NCALD: variants seen among roughly 807,000 people sequenced by gnomAD.
NCALD encodes the protein neurocalcin-delta.
A neutral mutation model predicts 18.6 loss-of-function variants in NCALD; 10 were observed. The observed-to-expected ratio is 0.54, with a 90% CI of 0.33 to 0.91. The LOEUF is 0.91. NCALD is among the 40% of genes least tolerant of loss of function. The probability of loss-of-function intolerance (pLI) is 0.03; values close to 1 mark genes in which losing one functional copy is unlikely to be tolerated. For missense variants in NCALD, 184 were observed against 247.6 expected (o/e 0.74, Z 1.72); for synonymous variants, 88 against 87.4 (o/e 1.01, Z -0.04).
At chr8:101,838,047 G>C (rs1814486037) in intron 4 of NCALD, among the ~76,000 whole-genome samples, 1 of 152,164 alleles carries the variant, frequency 6.6e-6, no homozygotes, top group South Asian at 2.1e-4. Context: ...ACAGGGTAGA[G>C]AAAAGACAGA....
chr8:102,044,656 T>C (rs577810208), intron 1 of NCALD, among the ~76,000 whole-genome samples: 2 of 152,344 alleles, frequency 1.3e-5, no homozygotes, highest in African/African-American at 4.8e-5. Flanking sequence ...AATTATTCCA[T>C]GGAGAGTCAG....
chr8:101,735,331 T>G (rs1817028877), intron 1 of NCALD, among the ~76,000 whole-genome samples: 1 of 152,144 alleles, frequency 6.6e-6, no homozygotes, highest in East Asian at 1.9e-4. Flanking sequence ...AAGGAAGCTT[T>G]GCTCCTACCA....
chr8:101,886,160 A>G (rs1816667776), intron 4 of NCALD, among the ~76,000 whole-genome samples: 1 of 152,236 alleles, frequency 6.6e-6, no homozygotes, highest in South Asian at 2.1e-4. Flanking sequence ...GAAGGACTGG[A>G]CTACCAAATT....
At chr8:101,879,434 TCTCGCTGGC>T (rs1018332010) in intron 4 of NCALD, among the ~76,000 whole-genome samples, 35 of 152,034 alleles carry the variant, frequency 2.3e-4, no homozygotes, top group Non-Finnish European at 4.3e-4. Context: ...GGCTTCGTGG[TCTCGCTGGC>T]CTCAAAAGTG....
chr8:102,005,815 G>A (rs914424976), intron 2 of NCALD, among the ~76,000 whole-genome samples: 1 of 149,504 alleles, frequency 6.7e-6, no homozygotes, highest in Admixed American at 6.7e-5. Context: ...ACTCATAGGT[G>A]GGAATTGAAC....
At chr8:102,095,940 T>C (rs1825079595) in intron 1 of NCALD, among the ~76,000 whole-genome samples, 1 of 152,164 alleles carries the variant, frequency 6.6e-6, no homozygotes. Context: ...GGTGAACAAC[T>C]CATTCCAGTT....
At chr8:101,728,075 A>T (rs1190617207) in intron 1 of NCALD, among the ~76,000 whole-genome samples, 1 of 152,230 alleles carries the variant, frequency 6.6e-6, no homozygotes, top group Non-Finnish European at 1.5e-5. Flanking sequence ...CAAAGAGAAG[A>T]CACCAAATCA....
At chr8:101,756,681 A>G (rs1054307555) in intron 1 of NCALD, among the ~76,000 whole-genome samples, 7 of 152,210 alleles carry the variant, frequency 4.6e-5, no homozygotes, top group African/African-American at 1.7e-4. Flanking sequence ...AATAAGAGGG[A>G]TGCAACTTTA....
At chr8:102,035,248 A>G (rs1049954169) in intron 1 of NCALD, among the ~76,000 whole-genome samples, 1 of 152,082 alleles carries the variant, frequency 6.6e-6, no homozygotes, top group Non-Finnish European at 1.5e-5. Flanking sequence ...GAGCCATGCT[A>G]TGGGTGGACT....
chr8:101,870,592 A>G (rs560340514), intron 4 of NCALD, among the ~76,000 whole-genome samples: 1 of 152,214 alleles, frequency 6.6e-6, no homozygotes, highest in African/African-American at 2.4e-5. Context: ...ACACCCATGC[A>G]GTGAATTCCC....
At chr8:102,023,098 T>A (rs936081896) in intron 1 of NCALD, among the ~76,000 whole-genome samples, 3 of 152,202 alleles carry the variant, frequency 2.0e-5, no homozygotes, top group African/African-American at 7.2e-5. Context: ...CTTTCAAAAA[T>A]TTCATTTGAA....
chr8:101,985,813 C>T (rs149071955), intron 2 of NCALD, among the ~76,000 whole-genome samples: 224 of 152,210 alleles, frequency 1.5e-3, no homozygotes, highest in African/African-American at 5.2e-3. Context: ...AAAGGATCTT[C>T]AGATCAAATT....
At chr8:102,065,010 C>CAAAAAAA (rs34548051) in intron 1 of NCALD, among the ~76,000 whole-genome samples, 2 of 87,552 alleles carry the variant, frequency 2.3e-5, no homozygotes, top group Admixed American at 1.5e-4. Flanking sequence ...CTCACTTTGG[C>CAAAAAAA]AAAAAAAAAA....
intron 4 of NCALD, among the ~76,000 whole-genome samples, chr8:101,862,832 C>T (rs1815599996): frequency 6.6e-6 from 1 of 152,180 alleles, no homozygotes. Context: ...TCTCTGACAG[C>T]TCACTCCCTT....
chr8:101,914,169 T>A (rs1817897301), intron 3 of NCALD, among the ~76,000 whole-genome samples: 1 of 152,216 alleles, frequency 6.6e-6, no homozygotes, highest in Non-Finnish European at 1.5e-5. Flanking sequence ...CTTCTCTTGA[T>A]TGTGACTATC....
intron 2 of NCALD, among the ~76,000 whole-genome samples, chr8:102,006,297 T>C (rs1416363189): frequency 6.6e-6 from 1 of 152,178 alleles, no homozygotes; most frequent in East Asian, 1.9e-4. Flanking sequence ...AACGTAATGT[T>C]TTCATTGGTT....
intron 2 of NCALD, among the ~76,000 whole-genome samples, chr8:101,698,412 T>C (rs1411076204): frequency 1.3e-5 from 2 of 152,154 alleles, no homozygotes; most frequent in Non-Finnish European, 2.9e-5. Context: ...TTGACATTCT[T>C]CATAGAACCA....
At chr8:101,692,721 C>A in intron 3 of NCALD, 70 bp downstream of exon 3, 1 of 1,496,222 alleles carries the variant, frequency 6.7e-7, no homozygotes, top group Non-Finnish European at 9.3e-7. Flanking sequence ...AGTGGCACTT[C>A]CCAGTCTGGA....
intron 1 of NCALD, among the ~76,000 whole-genome samples, chr8:101,770,523 C>CT (rs1179939971): frequency 6.6e-6 from 1 of 152,106 alleles, no homozygotes; most frequent in Admixed American, 6.5e-5. Flanking sequence ...ATGCAAACTC[C>CT]TGGGGGGGCT....
Sources: gnomAD v4.1 joint callset for allele counts (sites outside exome capture counted in the v4.1 genomes callset) on GRCh38, gnomAD v4.1.1 for gene constraint, MANE v1.5 for transcripts, NCBI Gene and HGNC (gene_info 2026-07-23, HGNC 2026-07-21) for gene names.